The following GTF2H5 variants were observed in gnomAD, a reference collection of about 807,000 sequenced individuals.
GTF2H5 encodes the protein TFB5 ortholog.
GTF2H5 carries 5 observed loss-of-function variants against 7.1 expected under a neutral mutation model. The observed-to-expected ratio is 0.71, with a 90% confidence interval of 0.37 to 1.49. The LOEUF is 1.49. Ranked by LOEUF, GTF2H5 falls within the 40% of genes most tolerant of loss-of-function variation. GTF2H5 has a pLI of 0.03. For missense variants in GTF2H5, 80 were observed against 83.0 expected, an observed-to-expected ratio of 0.96 and a Z score of 0.14; for synonymous variants, 30 against 31.7, an observed-to-expected ratio of 0.95 and a Z score of 0.18.
chr6:158,189,623 T>G (rs1374662884), intron 2 of GTF2H5, among the ~76,000 whole-genome samples: 2 of 152,124 alleles, frequency 1.3e-5, no homozygotes, highest in Admixed American at 6.6e-5. Flanking sequence ...CATACCTCAC[T>G]CCATCATTTC....
chr6:158,176,657 C>G (rs1170604960), intron 2 of GTF2H5, among the ~76,000 whole-genome samples: 1 of 152,124 alleles, frequency 6.6e-6, no homozygotes, highest in Non-Finnish European at 1.5e-5. Flanking sequence ...CCCAGCAGCG[C>G]TAGAGGAATT....
intron 2 of GTF2H5, among the ~76,000 whole-genome samples, chr6:158,186,960 TTTTTG>T (rs927606789): frequency 1.3e-5 from 2 of 151,966 alleles, no homozygotes; most frequent in Non-Finnish European, 2.9e-5. Context: ...TTCAGAGTTG[TTTTTG>T]TTTTGTTTTG....
chr6:158,173,393 T>C (rs532697454), intron 2 of GTF2H5, among the ~76,000 whole-genome samples: 138 of 152,292 alleles, frequency 9.1e-4, no homozygotes, highest in South Asian at 6.4e-3. Flanking sequence ...GTATGGCCAG[T>C]GCTAGTGGAT....
At chr6:158,179,616 T>A (rs1191516149) in intron 2 of GTF2H5, among the ~76,000 whole-genome samples, 2 of 152,186 alleles carry the variant, frequency 1.3e-5, no homozygotes, top group African/African-American at 4.8e-5. Context: ...TGAATGGGAG[T>A]TCACTCATGA....
intron 1 of GTF2H5, among the ~76,000 whole-genome samples, chr6:158,169,712 T>TTATATATTATATAA (rs1785797798): frequency 4.4e-5 from 3 of 67,860 alleles, no homozygotes; most frequent in Non-Finnish European, 7.8e-5. Flanking sequence ...ATATTGTATA[T>TTATATATTATATAA]TATATATTAT....
chr6:158,169,288 A>G (rs1785705128), intron 1 of GTF2H5, among the ~76,000 whole-genome samples: 1 of 128,250 alleles, frequency 7.8e-6, no homozygotes. Flanking sequence ...TATAATATAT[A>G]TTTATTTTAT....
chr6:158,185,727 G>T (rs1474933740), intron 2 of GTF2H5, among the ~76,000 whole-genome samples: 6 of 152,010 alleles, frequency 3.9e-5, no homozygotes, highest in Non-Finnish European at 8.8e-5. Flanking sequence ...AGAAAAATAG[G>T]CCAGGCTCAA....
chr6:158,177,712 C>T (rs1305916721), intron 2 of GTF2H5, among the ~76,000 whole-genome samples: 1 of 152,130 alleles, frequency 6.6e-6, no homozygotes, highest in South Asian at 2.1e-4. Flanking sequence ...CTAATGTTAT[C>T]CCTCCCCTAG....
intron 2 of GTF2H5, among the ~76,000 whole-genome samples, chr6:158,173,947 G>A (rs983452465): frequency 7.2e-5 from 11 of 152,166 alleles, no homozygotes; most frequent in Non-Finnish European, 1.0e-4. Flanking sequence ...CAGACCATAC[G>A]GGGTAACTTC....
intron 2 of GTF2H5, among the ~76,000 whole-genome samples, chr6:158,174,176 T>A (rs974972828): frequency 7.9e-5 from 12 of 152,216 alleles, no homozygotes; most frequent in Non-Finnish European, 1.6e-4. Flanking sequence ...GCTGAATTCC[T>A]ATCTCACAGC....
chr6:158,195,641 AC>A lies in GTF2H5; in HGVS notation c.*3485del, dbSNP rs539491979. ...TACATTTTCTAGAACAGGTGATTTG[AC>A]ATAATTGTACTTTTTTCTGAGAAGT... is the stretch of plus-strand genomic sequence containing the variant. On this transcript the variant is annotated 3_prime_UTR_variant, in exon 3 of 3. Transcript: ENST00000607778. 2.7e-4 allele frequency: 41 copies of A among 152,318 alleles called. No individual in the cohort carries two copies. The highest frequency in any genetic ancestry group is 9.6e-4 in the African/African-American group (40 of 41,580). 9.4% of individuals were successfully genotyped at this position (152,318 alleles called of 1,614,324 possible). A position where few individuals can be genotyped will look rare whatever the true frequency, so the allele number is the denominator to read the frequency against.
intron 2 of GTF2H5, among the ~76,000 whole-genome samples, chr6:158,183,836 T>A (rs1353936382): frequency 1.3e-5 from 2 of 152,192 alleles, no homozygotes; most frequent in African/African-American, 4.8e-5. Context: ...GAAAGGGAAA[T>A]CCCCTGACCC....
Position 158,193,605 on chromosome 6 carries a change from C to G in GTF2H5, c.*1448C>G, listed in dbSNP as rs913503331. The G allele has an allele frequency of 2.0e-5, 3 of 152,190 alleles. No homozygotes were observed. The highest frequency in any genetic ancestry group is 6.5e-5 in the Admixed American group (1 of 15,282). 9.4% of individuals were successfully genotyped at this position (152,190 alleles called of 1,614,324 possible). On this transcript the variant is annotated 3_prime_UTR_variant, in exon 3 of 3. Transcript: ENST00000607778. ...TTACATAATTCCCACCCATATAACT[C>G]AGTCCATACAGTTCACAGTTTTCAT...
At chr6:158,183,600 T>C (rs1217915588) in intron 2 of GTF2H5, among the ~76,000 whole-genome samples, 1 of 152,132 alleles carries the variant, frequency 6.6e-6, no homozygotes, top group Non-Finnish European at 1.5e-5. Context: ...TACTCAAGCC[T>C]CAGCAATGGC....
chr6:158,169,697 A>ATG (rs1421826150), intron 1 of GTF2H5, among the ~76,000 whole-genome samples: 2,627 of 85,402 alleles, frequency 0.031, 292 homozygotes, highest in Non-Finnish European at 0.046. Context: ...TATATATTAT[A>ATG]TAATATATTG....
intron 2 of GTF2H5, among the ~76,000 whole-genome samples, chr6:158,189,906 A>G (rs375366781): frequency 6.6e-5 from 10 of 152,152 alleles, no homozygotes; most frequent in South Asian, 2.1e-4. Flanking sequence ...GCTATACCCT[A>G]TAAGCCTTTG....
chr6:158,182,414 G>T (rs1786023135), intron 2 of GTF2H5, among the ~76,000 whole-genome samples: 1 of 152,150 alleles, frequency 6.6e-6, no homozygotes, highest in Non-Finnish European at 1.5e-5. Flanking sequence ...GAATTTCAAT[G>T]TTGGCCTGCC....
chr6:158,171,080 T>A (rs1785849084), intron 2 of GTF2H5, among the ~76,000 whole-genome samples: 1 of 152,166 alleles, frequency 6.6e-6, no homozygotes, highest in East Asian at 1.9e-4. Flanking sequence ...TATGAGCCAG[T>A]GCATGGATAA....
intron 2 of GTF2H5, among the ~76,000 whole-genome samples, chr6:158,186,462 G>A (rs1187259527): frequency 6.6e-6 from 1 of 152,334 alleles, no homozygotes; most frequent in East Asian, 1.9e-4. Context: ...AGACAGCAAT[G>A]TTTCAATGTC....
Sources: allele counts gnomAD v4.1 joint callset (sites outside exome capture counted in the v4.1 genomes callset), GRCh38; gene constraint gnomAD v4.1.1; transcripts MANE v1.5; gene names NCBI Gene and HGNC (gene_info 2026-07-23, HGNC 2026-07-21).